The following TMEM178B variants were observed in gnomAD, a reference collection of about 807,000 sequenced individuals.
TMEM178B encodes transmembrane protein 178B.
Under a neutral mutation model 31.0 loss-of-function variants are expected in TMEM178B, and 5 were observed. That is an observed-to-expected ratio of 0.16 (90% CI 0.08 to 0.34). The LOEUF (loss-of-function observed/expected upper bound fraction) is 0.34, where lower values mean the gene tolerates loss of function less well. Ranked by LOEUF, TMEM178B falls within the 10% of genes least tolerant of loss-of-function variation. The pLI is 1.00. For synonymous variants in TMEM178B, 164 were observed against 164.0 expected, an observed-to-expected ratio of 1.00 and a Z score of 0.00; for missense variants, 275 against 400.3, an observed-to-expected ratio of 0.69 and a Z score of 2.67.
chr7:141,363,076 G>A (rs114160748), intron 2 of TMEM178B, among the ~76,000 whole-genome samples: 3,522 of 152,208 alleles, frequency 0.023, 127 homozygotes, highest in African/African-American at 0.08. Flanking sequence ...TTGGCAAGGC[G>A]GAAAATTTAA....
chr7:141,124,160 A>C (rs998905078), intron 1 of TMEM178B, among the ~76,000 whole-genome samples: 1 of 152,104 alleles, frequency 6.6e-6, no homozygotes, highest in African/African-American at 2.4e-5. Context: ...TGAGGTCAGG[A>C]GTTGAAGACC....
At chr7:141,112,312 G>A (rs1470193188) in intron 1 of TMEM178B, among the ~76,000 whole-genome samples, 1 of 152,138 alleles carries the variant, frequency 6.6e-6, no homozygotes, top group East Asian at 1.9e-4. Context: ...GAGTGCAATG[G>A]CATGACCACG....
In TMEM178B at chr7:141,478,863, T is replaced by A. The variant is rs1275564902; in HGVS notation, c.*8077T>A. The A allele has an allele frequency of 6.6e-6, 1 of 152,092 alleles. No homozygotes were observed. Among genetic ancestry groups the A allele is most frequent in the African/African-American group, 2.4e-5 (1 of 41,208 alleles). The allele number at this position is 152,092 out of a possible 1,614,324, so 9.4% of individuals were successfully genotyped here. A position where few individuals can be genotyped will look rare whatever the true frequency, so the allele number is the denominator to read the frequency against. On this transcript the variant is annotated 3_prime_UTR_variant, in exon 4 of 4. Coordinates refer to ENST00000565468, the MANE Select transcript of TMEM178B (RefSeq NM_001195278.2). ...GATGGGGGGGGTCCTTCCTGGTGGG[T>A]CACTCACTGCCATAGCTCTTGTCAT...
chr7:141,248,163 C>A (rs192399755), intron 2 of TMEM178B, among the ~76,000 whole-genome samples: 81 of 152,190 alleles, frequency 5.3e-4, no homozygotes, highest in African/African-American at 1.9e-3. Context: ...GCAATCCCAG[C>A]ACTTTGGGAG....
At chr7:141,141,618 C>T (rs1404300254) in intron 1 of TMEM178B, among the ~76,000 whole-genome samples, 2 of 152,156 alleles carry the variant, frequency 1.3e-5, no homozygotes, top group African/African-American at 4.8e-5. Flanking sequence ...CCCACAGTGC[C>T]TAATACATAG....
At chr7:141,442,939 C>T (rs971824700) in intron 3 of TMEM178B, among the ~76,000 whole-genome samples, 1 of 152,158 alleles carries the variant, frequency 6.6e-6, no homozygotes, top group Non-Finnish European at 1.5e-5. Flanking sequence ...GTGATCAAGG[C>T]GTCAGCTGGG....
intron 1 of TMEM178B, among the ~76,000 whole-genome samples, chr7:141,127,964 G>A (rs1224905870): frequency 6.6e-6 from 1 of 152,108 alleles, no homozygotes; most frequent in Non-Finnish European, 1.5e-5. Flanking sequence ...CAGGCCCAAC[G>A]CGAACCACAG....
intron 2 of TMEM178B, among the ~76,000 whole-genome samples, chr7:141,214,820 C>T (rs1396269456): frequency 2.0e-5 from 3 of 151,976 alleles, no homozygotes; most frequent in African/African-American, 7.3e-5. Flanking sequence ...GGTGACAGAT[C>T]TATTTTTAAC....
intron 2 of TMEM178B, among the ~76,000 whole-genome samples, chr7:141,271,840 T>A (rs923835959): frequency 1.3e-5 from 2 of 152,200 alleles, no homozygotes; most frequent in Non-Finnish European, 2.9e-5. Flanking sequence ...CTCTAGTATC[T>A]CTCTTTTACC....
At chr7:141,170,070 CA>C (rs1796323708) in intron 1 of TMEM178B, among the ~76,000 whole-genome samples, 2 of 152,180 alleles carry the variant, frequency 1.3e-5, no homozygotes, top group Admixed American at 1.3e-4. Flanking sequence ...TAGATTTCTA[CA>C]TTTTTGCCAT....
At chr7:141,507,380 CT>C in the TMEM178B span, among the ~76,000 whole-genome samples, 10 of 148,824 alleles carry the variant, frequency 6.7e-5, no homozygotes, top group Admixed American at 2.0e-4. Flanking sequence ...AACCTCAACT[CT>C]TTTTTTTTTA....
chr7:141,256,353 A>G (rs1243480240), intron 2 of TMEM178B, among the ~76,000 whole-genome samples: 1 of 152,194 alleles, frequency 6.6e-6, no homozygotes, highest in Non-Finnish European at 1.5e-5. Flanking sequence ...GCAAACCCCA[A>G]TACATTTAAT....
Position 141,200,046 on chromosome 7 carries a change from G to A in TMEM178B, c.383-12545G>A, listed in dbSNP as rs6464413. Among the ~76,000 whole-genome samples, 626 of 151,582 alleles carry A rather than the reference G, an allele frequency of 4.1e-3. 4 individuals are homozygous for A. The highest frequency in any genetic ancestry group is 0.014 in the African/African-American group (594 of 41,386). On this transcript the variant is annotated intron_variant, in intron 1 of 3. Coordinates refer to ENST00000565468, the MANE Select transcript of TMEM178B (RefSeq NM_001195278.2). ...AGCCTGGGCAACAGAGTGAGACTCT[G>A]TCTCAAAAAAAAAATTTGTAGACAG...
chr7:141,510,492 C>G, the TMEM178B span, among the ~76,000 whole-genome samples: 1 of 151,476 alleles, frequency 6.6e-6, no homozygotes, highest in Non-Finnish European at 1.5e-5. Flanking sequence ...TCAAGACCAG[C>G]CTGATCAACA....
chr7:141,500,548 G>A, the TMEM178B span, among the ~76,000 whole-genome samples: 1 of 152,172 alleles, frequency 6.6e-6, no homozygotes, highest in Non-Finnish European at 1.5e-5. Flanking sequence ...TGTACTACAA[G>A]GTCACATAGC....
intron 1 of TMEM178B, among the ~76,000 whole-genome samples, chr7:141,091,851 C>G (rs1159422983): frequency 1.3e-5 from 2 of 152,156 alleles, no homozygotes; most frequent in Non-Finnish European, 2.9e-5. Context: ...CCTCAACCTC[C>G]TGAGTAGCTG....
intron 1 of TMEM178B, among the ~76,000 whole-genome samples, chr7:141,145,428 C>T (rs1019368546): frequency 2.6e-5 from 4 of 152,180 alleles, no homozygotes; most frequent in Non-Finnish European, 4.4e-5. Context: ...CCAGTGACTT[C>T]CCCTGGAAAA....
chr7:141,165,978 G>A (rs967719316), intron 1 of TMEM178B, among the ~76,000 whole-genome samples: 2 of 152,206 alleles, frequency 1.3e-5, no homozygotes, highest in African/African-American at 2.4e-5. Flanking sequence ...GCCCCACTTA[G>A]CTATGAGACA....
intron 2 of TMEM178B, among the ~76,000 whole-genome samples, chr7:141,270,056 C>G (rs920295717): frequency 6.6e-6 from 1 of 151,878 alleles, no homozygotes; most frequent in African/African-American, 2.4e-5. Flanking sequence ...CAGAGTGAGA[C>G]TCAGTCTCAA....
Sources: allele counts gnomAD v4.1 joint callset (sites outside exome capture counted in the v4.1 genomes callset), GRCh38; gene constraint gnomAD v4.1.1; transcripts MANE v1.5; gene names NCBI Gene and HGNC (gene_info 2026-07-23, HGNC 2026-07-21).